Variants in PDE4B observed in about 807,000 individuals in gnomAD.
PDE4B encodes 3',5'-cyclic-AMP phosphodiesterase 4B.
A neutral mutation model predicts 82.2 loss-of-function variants in PDE4B; 20 were observed. The observed-to-expected ratio is 0.24, with a 90% CI of 0.17 to 0.35. The LOEUF (loss-of-function observed/expected upper bound fraction) is 0.35, where lower values mean the gene tolerates loss of function less well. Among genes scored for constraint, PDE4B ranks in the 10% least tolerant of loss-of-function variants. The pLI is 1.00. For synonymous variants in PDE4B, 320 were observed against 318.9 expected, an observed-to-expected ratio of 1.00 and a Z score of -0.04; for missense variants, 655 against 907.2, an observed-to-expected ratio of 0.72 and a Z score of 3.57.
intron 4 of PDE4B, 149 bp from the exon 5 acceptor site, chr1:66,257,498 C>A: frequency 1.2e-6 from 1 of 861,954 alleles, no homozygotes. Flanking sequence ...CCCTTTCGTG[C>A]CAAATTGTGA....
At chr1:65,809,559 G>A (rs1323279291) in intron 1 of PDE4B, among the ~76,000 whole-genome samples, 1 of 151,966 alleles carries the variant, frequency 6.6e-6, no homozygotes. Flanking sequence ...TGAAATATTA[G>A]CATAAATGAG....
intron 3 of PDE4B, among the ~76,000 whole-genome samples, chr1:65,982,446 T>C (rs1272901254): frequency 6.6e-6 from 1 of 152,182 alleles, no homozygotes; most frequent in Non-Finnish European, 1.5e-5. Context: ...TCAGCCTATC[T>C]ACATTGCAAG....
chr1:66,093,302 A>G (rs1254564239), intron 3 of PDE4B, among the ~76,000 whole-genome samples: 1 of 152,062 alleles, frequency 6.6e-6, no homozygotes, highest in Non-Finnish European at 1.5e-5. Context: ...ACGTATTTGT[A>G]TATACATTAT....
intron 3 of PDE4B, among the ~76,000 whole-genome samples, chr1:66,190,494 TC>T (rs1174262792): frequency 6.6e-6 from 1 of 152,184 alleles, no homozygotes; most frequent in Non-Finnish European, 1.5e-5. Context: ...AGTTCATTCT[TC>T]CCAGCCACTT....
rs182728704 is a variant in PDE4B at position 66,022,081 on chromosome 1, G to T, written c.281+103246G>T. 5.1e-4 allele frequency among the ~76,000 whole-genome samples: 78 copies of T among 152,284 alleles called. 1 individual carries two copies. Among genetic ancestry groups the T allele is most frequent in the Admixed American group, 4.1e-3 (62 of 15,300 alleles). ...TTTATTGTCTTTGAAGCAATTGTGAGTGGGAGTTCACTCGTGATTTGGCTC... is the reference window on the plus strand; with the variant it reads ...TTTATTGTCTTTGAAGCAATTGTGATTGGGAGTTCACTCGTGATTTGGCTC... On this transcript the variant is annotated intron_variant, in intron 3 of 16. Transcript: ENST00000341517.
At chr1:65,831,969 ACTT>A (rs1433594349) in intron 1 of PDE4B, among the ~76,000 whole-genome samples, 1 of 152,170 alleles carries the variant, frequency 6.6e-6, no homozygotes, top group Non-Finnish European at 1.5e-5. Flanking sequence ...AGGAAGAAGA[ACTT>A]CTGTTGTGAC....
intron 3 of PDE4B, among the ~76,000 whole-genome samples, chr1:66,069,519 AC>A (rs1406295288): frequency 1.3e-5 from 2 of 152,106 alleles, no homozygotes; most frequent in Non-Finnish European, 2.9e-5. Context: ...TTTGCATTAT[AC>A]TATTTTCTAG....
intron 1 of PDE4B, among the ~76,000 whole-genome samples, chr1:65,816,742 T>G (rs1384384346): frequency 6.6e-6 from 1 of 152,154 alleles, no homozygotes; most frequent in Non-Finnish European, 1.5e-5. Context: ...TTTGGGAAAA[T>G]TAATATGATA....
Position 66,257,800 on chromosome 1 carries a change from C to A in PDE4B, c.521C>A (p.Ala174Asp). ...AAAACATTTTTCTTCTAGGTCCTTG[C>A]CAGCTTGCGAAGTGTGAGAAACAAC... ...LIVTPFAQVLASLRSVRNNFT... is the reference protein window; with the variant it reads ...LIVTPFAQVLDSLRSVRNNFT... Residue 174 changes from alanine (A) to aspartate (D), a missense_variant, in exon 6 of 17, where the codon GCC becomes GAC. Ala to Asp is a moderately radical substitution (Grantham distance 126, BLOSUM62 -2). This residue lies in a region of PDE4B where 253 missense variants were observed against 275.6 expected (regional missense o/e 0.92). Coordinates refer to ENST00000341517, the MANE Select transcript of PDE4B (RefSeq NM_002600.4). 6.2e-7 allele frequency: 1 copy of A among 1,612,660 alleles called. No individual in the cohort carries two copies. The highest frequency in any genetic ancestry group is 8.5e-7 in the Non-Finnish European group (1 of 1,178,840).
intron 1 of PDE4B, among the ~76,000 whole-genome samples, chr1:65,892,470 G>C (rs528084104): frequency 1.3e-5 from 2 of 152,142 alleles, no homozygotes; most frequent in South Asian, 4.2e-4. Context: ...ATGCCTTATA[G>C]TCTTGAAAGT....
At chr1:65,891,727 G>A (rs1479021618) in intron 1 of PDE4B, among the ~76,000 whole-genome samples, 1 of 152,006 alleles carries the variant, frequency 6.6e-6, no homozygotes, top group Non-Finnish European at 1.5e-5. Flanking sequence ...GAAAAGCATG[G>A]CAGAATTTTA....
chr1:66,283,729 G>A (rs1483370605), intron 7 of PDE4B, among the ~76,000 whole-genome samples: 1 of 152,072 alleles, frequency 6.6e-6, no homozygotes, highest in Admixed American at 6.6e-5. Context: ...AATCATATGA[G>A]CCATCCTGGA....
chr1:66,245,843 G>A (rs1653272439), intron 3 of PDE4B, among the ~76,000 whole-genome samples: 1 of 152,188 alleles, frequency 6.6e-6, no homozygotes, highest in South Asian at 2.1e-4. Flanking sequence ...AGCAGCTTCT[G>A]TGAATGGTCT....
chr1:65,806,020 T>C (rs1269537275), intron 1 of PDE4B, among the ~76,000 whole-genome samples: 1 of 152,186 alleles, frequency 6.6e-6, no homozygotes, highest in Non-Finnish European at 1.5e-5. Context: ...TCTGGAAGTT[T>C]TTCTTCTATT....
Position 66,339,932 on chromosome 1 carries a change from G to A in PDE4B, c.747+7312G>A, listed in dbSNP as rs533374095. On this transcript the variant is annotated intron_variant, in intron 8 of 16. Coordinates refer to ENST00000341517, the MANE Select transcript of PDE4B (RefSeq NM_002600.4). ...GTTGTCTATGAAAGAAAAACCAAGG[G>A]CGATGGTGCTTGCATTTGCAGTATT... Among the ~76,000 whole-genome samples the A allele has an allele frequency of 9.2e-5, 14 of 151,788 alleles. 1 individual carries two copies. The South Asian group carries it at 2.9e-3, about 31-fold the overall frequency.
rs1570791176 is a variant in PDE4B at position 66,367,689 on chromosome 1, T to G, written c.1385-7T>G. 6.2e-7 allele frequency: 1 copy of G among 1,602,576 alleles called. No individual in the cohort carries two copies. The highest frequency in any genetic ancestry group is 8.5e-7 in the Non-Finnish European group (1 of 1,174,200). ...TAATTAAGTCATCATTTGGTCTGAT[T>G]TATTAGATTCAGAACTTGCTTTGAT... On this transcript the variant is annotated splice_polypyrimidine_tract_variant and splice_region_variant and intron_variant, in intron 13 of 16. Transcript: ENST00000341517.
intron 8 of PDE4B, among the ~76,000 whole-genome samples, chr1:66,335,705 A>G (rs936643126): frequency 6.6e-6 from 1 of 152,190 alleles, no homozygotes; most frequent in African/African-American, 2.4e-5. Flanking sequence ...TCCTCCAAGA[A>G]TTACTAGAAG....
chr1:66,221,122 C>T (rs964109977), intron 3 of PDE4B, among the ~76,000 whole-genome samples: 19 of 152,068 alleles, frequency 1.2e-4, no homozygotes, highest in Admixed American at 9.8e-4. Flanking sequence ...TAGAAATAGG[C>T]AAGAACCAAG....
At chr1:65,962,766 G>T (rs371160350) in intron 3 of PDE4B, among the ~76,000 whole-genome samples, 1 of 152,190 alleles carries the variant, frequency 6.6e-6, no homozygotes, top group Non-Finnish European at 1.5e-5. Flanking sequence ...TCACGAGGCA[G>T]GTCTATGTCC....
Sources: gnomAD v4.1 joint callset for allele counts (sites outside exome capture counted in the v4.1 genomes callset) on GRCh38, gnomAD v4.1.1 for gene constraint, gnomAD v4.1.1 regional missense constraint, MANE v1.5 for transcripts, NCBI Gene and HGNC (gene_info 2026-07-23, HGNC 2026-07-21) for gene names.